The following FTO variants were observed in gnomAD, a reference collection of about 807,000 sequenced individuals.
FTO encodes the protein alpha-ketoglutarate-dependent dioxygenase FTO.
In FTO, 47 loss-of-function variants were observed where a neutral mutation model predicts 63.9. The ratio of observed to expected loss-of-function variants is 0.74; its 90% CI spans 0.58 to 0.94. The LOEUF (loss-of-function observed/expected upper bound fraction) is 0.94, where lower values mean the gene tolerates loss of function less well. Ranked by LOEUF, FTO falls within the 40% of genes least tolerant of loss-of-function variation. The pLI is 0.00. For missense variants in FTO, 562 were observed against 618.1 expected (o/e 0.91, Z 0.96); for synonymous variants, 207 against 224.4 (o/e 0.92, Z 0.69).
intron 1 of FTO, among the ~76,000 whole-genome samples, chr16:53,768,127 T>C (rs567929720): frequency 2.0e-4 from 30 of 152,352 alleles, no homozygotes; most frequent in African/African-American, 6.7e-4. Context: ...TAGTGACTGA[T>C]TGATGTCTCC....
chr16:53,850,331 G>A (rs1414928039), intron 4 of FTO, among the ~76,000 whole-genome samples: 2 of 148,868 alleles, frequency 1.3e-5, no homozygotes, highest in East Asian at 3.9e-4. Flanking sequence ...TGCTTCTTGT[G>A]TTCAATTTTT....
At chr16:53,748,438 A>G (rs966703348) in intron 1 of FTO, among the ~76,000 whole-genome samples, 1 of 151,992 alleles carries the variant, frequency 6.6e-6, no homozygotes. Flanking sequence ...TCATAGAACT[A>G]TTTTTTATAG....
rs1031511233 is a variant in FTO, at chr16:53,952,684, A to C, written c.1364+18575A>C. On this transcript the variant is annotated intron_variant, in intron 8 of 8. Transcript: ENST00000471389. ...GAGACAGAGTTAACCTATGAAAATT[A>C]ACCTTGACTGTCAACAAATGTGCTG... Among the ~76,000 whole-genome samples, 17 of 152,230 alleles carry C rather than the reference A, an allele frequency of 1.1e-4. 1 individual carries two copies. Among genetic ancestry groups the C allele is most frequent in the Admixed American group, 1.1e-3 (17 of 15,282 alleles).
intron 8 of FTO, among the ~76,000 whole-genome samples, chr16:54,064,842 C>T (rs552605448): frequency 5.3e-5 from 8 of 152,234 alleles, no homozygotes; most frequent in Non-Finnish European, 1.2e-4. Context: ...GCCAGATAAC[C>T]GGAGCTCAGT....
intron 8 of FTO, among the ~76,000 whole-genome samples, chr16:54,012,310 C>G (rs1004652704): frequency 1.3e-5 from 2 of 152,196 alleles, no homozygotes; most frequent in African/African-American, 4.8e-5. Context: ...AGCCCTAAAT[C>G]TTCAATTCTA....
chr16:53,819,521 A>T (rs2078793475), intron 2 of FTO, among the ~76,000 whole-genome samples: 1 of 152,032 alleles, frequency 6.6e-6, no homozygotes, highest in African/African-American at 2.4e-5. Context: ...TTGCTTGTGA[A>T]TGGGTGTGTG....
At chr16:53,883,324 A>G (rs1328665686) in intron 6 of FTO, among the ~76,000 whole-genome samples, 2 of 152,168 alleles carry the variant, frequency 1.3e-5, no homozygotes, top group Admixed American at 1.3e-4. Flanking sequence ...ATCGTCATCT[A>G]AGTCTGTCTG....
At chr16:54,099,349 A>G (rs746872977) in intron 8 of FTO, among the ~76,000 whole-genome samples, 2 of 152,200 alleles carry the variant, frequency 1.3e-5, no homozygotes, top group Admixed American at 6.5e-5. Context: ...CCTTGCAAGG[A>G]AAGTTACTCT....
intron 6 of FTO, among the ~76,000 whole-genome samples, chr16:53,882,928 G>T (rs1456428252): frequency 6.6e-6 from 1 of 152,128 alleles, no homozygotes; most frequent in Non-Finnish European, 1.5e-5. Flanking sequence ...TTTTGATGCT[G>T]AGCTCAAGTC....
At chr16:54,020,649 T>C (rs1478859761) in intron 8 of FTO, among the ~76,000 whole-genome samples, 1 of 152,162 alleles carries the variant, frequency 6.6e-6, no homozygotes, top group African/African-American at 2.4e-5. Context: ...CAAAAAGAGA[T>C]GGATCAAGAT....
chr16:53,709,052 G>A (rs1426310991), intron 1 of FTO, among the ~76,000 whole-genome samples: 1 of 152,152 alleles, frequency 6.6e-6, no homozygotes, highest in Non-Finnish European at 1.5e-5. Flanking sequence ...TATCTATGCA[G>A]TCTTTATCCC....
Position 53,760,199 on chromosome 16 carries a change from A to G in FTO, c.46-49941A>G, listed in dbSNP as rs144890409. Among the ~76,000 whole-genome samples the G allele has an allele frequency of 3.6e-3, 529 of 146,076 alleles. 5 individuals are homozygous for G. The highest frequency in any genetic ancestry group is 4.3e-3 in the Non-Finnish European group (285 of 66,908). ...CAATCCTGTCTACCAGTTAGTCTTC[A>G]GCTTTGGTGTGTGTGTGTGTGTGTG... On this transcript the variant is annotated intron_variant, in intron 1 of 8. Coordinates refer to ENST00000471389, the MANE Select transcript of FTO (RefSeq NM_001080432.3).
chr16:53,871,799 T>C (rs1461194153), intron 4 of FTO, among the ~76,000 whole-genome samples: 3 of 152,044 alleles, frequency 2.0e-5, no homozygotes, highest in Non-Finnish European at 2.9e-5. Flanking sequence ...CAATCTCGGC[T>C]CACTGCAACC....
rs2079734322 is a variant in FTO, at chr16:53,849,819, CT to C, written c.895+5523del. 2.6e-5 allele frequency among the ~76,000 whole-genome samples: 4 copies of C among 152,188 alleles called. No individual in the cohort carries two copies. The South Asian group carries it at 6.2e-4, about 24-fold the overall frequency. The stretch of plus-strand genomic sequence containing the variant: ...ACAGAGGTCTCCAGGAGTTTAGACT[CT>C]TAAGCGGGGGCTCCCTTGGGACTGA... On this transcript the variant is annotated intron_variant, in intron 4 of 8. Coordinates refer to ENST00000471389, the MANE Select transcript of FTO (RefSeq NM_001080432.3).
intron 3 of FTO, among the ~76,000 whole-genome samples, chr16:53,841,879 TTTCACGTTTGACC>T (rs1422332169): frequency 2.6e-5 from 4 of 152,218 alleles, no homozygotes; most frequent in Admixed American, 6.5e-5. Flanking sequence ...CACTGTTGTC[TTTCACGTTTGACC>T]TTCTCTAAGA....
intron 7 of FTO, among the ~76,000 whole-genome samples, chr16:53,910,160 C>T (rs1037011200): frequency 2.6e-5 from 4 of 152,048 alleles, no homozygotes; most frequent in East Asian, 1.9e-4. Context: ...GGCTCTGTAA[C>T]GTTAGTAGGG....
chr16:53,808,499 C>T (rs1249143574), intron 1 of FTO, among the ~76,000 whole-genome samples: 5 of 152,172 alleles, frequency 3.3e-5, no homozygotes, highest in Non-Finnish European at 7.3e-5. Context: ...GGTTGCTATA[C>T]TTCTATTCCC....
chr16:53,809,013 A>G (rs975425918), intron 1 of FTO, among the ~76,000 whole-genome samples: 1 of 152,204 alleles, frequency 6.6e-6, no homozygotes, highest in Non-Finnish European at 1.5e-5. Context: ...CGAAAACTCC[A>G]TATATTCTTG....
chr16:53,895,322 G>GA (rs1192835262), intron 7 of FTO, among the ~76,000 whole-genome samples: 1 of 151,854 alleles, frequency 6.6e-6, no homozygotes, highest in African/African-American at 2.4e-5. Flanking sequence ...GTCTTTTTGG[G>GA]AAAAAAGAAT....
Sources: gnomAD v4.1 joint callset for allele counts (sites outside exome capture counted in the v4.1 genomes callset) on GRCh38, gnomAD v4.1.1 for gene constraint, MANE v1.5 for transcripts, NCBI Gene and HGNC (gene_info 2026-07-23, HGNC 2026-07-21) for gene names.